PACS1: variants seen among roughly 807,000 people sequenced by gnomAD.
PACS1 encodes PACS-1.
Under a neutral mutation model 115.0 loss-of-function variants are expected in PACS1, and 24 were observed. The ratio of observed to expected loss-of-function variants is 0.21; its 90% CI spans 0.15 to 0.29. The LOEUF is 0.29. Among genes scored for constraint, PACS1 ranks in the 10% least tolerant of loss-of-function variants. The pLI is 1.00. For missense variants in PACS1, 838 were observed against 1,251.2 expected, an observed-to-expected ratio of 0.67 and a Z score of 4.98; for synonymous variants, 453 against 504.5, an observed-to-expected ratio of 0.90 and a Z score of 1.37.
intron 1 of PACS1, among the ~76,000 whole-genome samples, chr11:66,103,258 C>T (rs1207503251): frequency 6.6e-6 from 1 of 152,022 alleles, no homozygotes; most frequent in Non-Finnish European, 1.5e-5. Context: ...TTGGTTTGGT[C>T]TTTTTTCAGA....
chr11:66,111,537 C>T (rs570100476), intron 1 of PACS1, among the ~76,000 whole-genome samples: 1 of 152,206 alleles, frequency 6.6e-6, no homozygotes, highest in African/African-American at 2.4e-5. Context: ...TGATTCTCTC[C>T]ACAACGCCAA....
chr11:66,077,912 G>C (rs1488568705), intron 1 of PACS1, among the ~76,000 whole-genome samples: 2 of 152,012 alleles, frequency 1.3e-5, no homozygotes, highest in Non-Finnish European at 2.9e-5. Flanking sequence ...ATGTTGGCCA[G>C]GCTGGTCTCG....
chr11:66,129,815 A>T (rs1467655974), intron 1 of PACS1, among the ~76,000 whole-genome samples: 1 of 152,132 alleles, frequency 6.6e-6, no homozygotes, highest in Non-Finnish European at 1.5e-5. Context: ...AGTCAGCTTG[A>T]ATTTTGTGAT....
intron 1 of PACS1, among the ~76,000 whole-genome samples, chr11:66,138,924 G>A (rs1229475551): frequency 4.7e-5 from 7 of 149,860 alleles, no homozygotes; most frequent in African/African-American, 7.3e-5. Flanking sequence ...CTCATGATCC[G>A]CCCGCCTCAG....
intron 1 of PACS1, among the ~76,000 whole-genome samples, chr11:66,138,844 A>G (rs1422129968): frequency 6.6e-6 from 1 of 151,872 alleles, no homozygotes; most frequent in East Asian, 1.9e-4. Flanking sequence ...CACCACGCCC[A>G]GCTAATTTTT....
intron 1 of PACS1, among the ~76,000 whole-genome samples, chr11:66,099,219 GATTT>G (rs1365507145): frequency 1.3e-4 from 19 of 151,262 alleles, no homozygotes; most frequent in Non-Finnish European, 2.5e-4. Context: ...AATAGTTATT[GATTT>G]ATTTATTTAT....
At chr11:66,230,012 A>G (rs1328059635) in intron 11 of PACS1, among the ~76,000 whole-genome samples, 1 of 151,516 alleles carries the variant, frequency 6.6e-6, no homozygotes, top group Non-Finnish European at 1.5e-5. Context: ...AGAAGGTGGG[A>G]TAGAGAGGGT....
chr11:66,070,298 C>A lies in PACS1; in HGVS notation c.-189C>A. On this transcript the variant is annotated 5_prime_UTR_variant, in exon 1 of 24. Coordinates refer to ENST00000320580, the MANE Select transcript of PACS1 (RefSeq NM_018026.4). This position sits in a 1 kb window ranked among gnomAD's most constrained non-coding sequence, Gnocchi z 5.9. ...CCCGTGTCGGCCTCGCGAGCCGCAACAGGCAGCGGCGGTCGAGCGCGAGGC... is the reference window on the plus strand; with the variant it reads ...CCCGTGTCGGCCTCGCGAGCCGCAAAAGGCAGCGGCGGTCGAGCGCGAGGC... 5.6e-6 allele frequency: 1 copy of A among 179,202 alleles called. No homozygotes were observed. The highest frequency in any genetic ancestry group is 6.3e-5 in the Admixed American group (1 of 15,908). 11.1% of individuals were successfully genotyped at this position (179,202 alleles called of 1,614,324 possible).
intron 1 of PACS1, among the ~76,000 whole-genome samples, chr11:66,177,691 G>T (rs946372277): frequency 1.3e-5 from 2 of 151,896 alleles, no homozygotes; most frequent in Admixed American, 6.6e-5. Context: ...GCTCACTGTA[G>T]CCTTGACCTC....
At chr11:66,216,833 G>A in intron 7 of PACS1, 58 bp downstream of exon 7, 1 of 1,270,750 alleles carries the variant, frequency 7.9e-7, no homozygotes, top group Non-Finnish European at 1.1e-6. Flanking sequence ...GGGGTAGGTT[G>A]GCAGCAGCAT....
intron 1 of PACS1, among the ~76,000 whole-genome samples, chr11:66,188,574 A>G (rs1335397048): frequency 6.6e-6 from 1 of 152,174 alleles, no homozygotes; most frequent in Non-Finnish European, 1.5e-5. Context: ...AGAAAAACCA[A>G]TTAAAGCAGG....
intron 2 of PACS1, among the ~76,000 whole-genome samples, chr11:66,208,643 C>T (rs1425534004): frequency 1.5e-5 from 2 of 133,710 alleles, no homozygotes; most frequent in African/African-American, 5.7e-5. Flanking sequence ...AGTGAGACCT[C>T]GTCTCTCTTT....
At chr11:66,171,924 C>T (rs1211429063) in intron 1 of PACS1, among the ~76,000 whole-genome samples, 2 of 152,106 alleles carry the variant, frequency 1.3e-5, no homozygotes, top group African/African-American at 4.8e-5. Context: ...AGACATTCAA[C>T]TTTTATTTTC....
intron 1 of PACS1, among the ~76,000 whole-genome samples, chr11:66,122,955 C>T (rs1003537872): frequency 6.6e-6 from 1 of 152,106 alleles, no homozygotes; most frequent in Non-Finnish European, 1.5e-5. Context: ...TCCAATTTTG[C>T]GAGAAATTCT....
At chr11:66,163,351 A>G (rs1309654294) in intron 1 of PACS1, among the ~76,000 whole-genome samples, 1 of 119,434 alleles carries the variant, frequency 8.4e-6, no homozygotes, top group Admixed American at 8.0e-5. Flanking sequence ...ACCCTGTCTC[A>G]AAAAAAAAAA....
chr11:66,200,033 AAAAAC>A (rs1180759815), intron 2 of PACS1, among the ~76,000 whole-genome samples: 2 of 129,532 alleles, frequency 1.5e-5, no homozygotes, highest in African/African-American at 5.2e-5. Flanking sequence ...AAACAAAAAC[AAAAAC>A]AAAACAAAAC....
intron 1 of PACS1, among the ~76,000 whole-genome samples, chr11:66,186,059 G>A (rs986513877): frequency 1.3e-5 from 2 of 152,088 alleles, no homozygotes; most frequent in African/African-American, 2.4e-5. Context: ...TTGAGCCCAG[G>A]AGTTACAGAC....
chr11:66,157,547 C>A (rs1439310481), intron 1 of PACS1, among the ~76,000 whole-genome samples: 10 of 152,086 alleles, frequency 6.6e-5, no homozygotes, highest in African/African-American at 2.4e-4. Flanking sequence ...GATCCCCATC[C>A]CCAAAGAATA....
At chr11:66,127,248 A>C (rs1858600505) in intron 1 of PACS1, among the ~76,000 whole-genome samples, 1 of 152,236 alleles carries the variant, frequency 6.6e-6, no homozygotes, top group Non-Finnish European at 1.5e-5. Context: ...GCATTCAAGT[A>C]GAAACACATT....
Sources: allele counts gnomAD v4.1 joint callset (sites outside exome capture counted in the v4.1 genomes callset), GRCh38; gene constraint gnomAD v4.1.1; non-coding constraint Gnocchi (gnomAD v3.1); transcripts MANE v1.5; gene names NCBI Gene and HGNC (gene_info 2026-07-23, HGNC 2026-07-21).